Variants in VWC2L observed in about 807,000 individuals in gnomAD.
VWC2L encodes von Willebrand factor C domain containing 2 like.
A neutral mutation model predicts 21.6 loss-of-function variants in VWC2L; 10 were observed. The observed-to-expected ratio is 0.46, with a 90% CI of 0.29 to 0.78. The LOEUF is 0.78. Ranked by LOEUF, VWC2L falls within the 30% of genes least tolerant of loss-of-function variation. VWC2L has a pLI of 0.10. For missense variants in VWC2L, 209 were observed against 277.1 expected, an observed-to-expected ratio of 0.75 and a Z score of 1.74; for synonymous variants, 96 against 94.3, an observed-to-expected ratio of 1.02 and a Z score of -0.10.
At chr2:214,566,800 G>T (rs1321312748) in intron 3 of VWC2L, among the ~76,000 whole-genome samples, 1 of 152,116 alleles carries the variant, frequency 6.6e-6, no homozygotes, top group South Asian at 2.1e-4. Context: ...TCTAATGACT[G>T]GTTTTTAGAA....
At chr2:214,461,650 C>T (rs1163347916) in intron 3 of VWC2L, among the ~76,000 whole-genome samples, 16 of 152,176 alleles carry the variant, frequency 1.1e-4, no homozygotes, top group Admixed American at 8.5e-4. Flanking sequence ...GCAGTATGCT[C>T]AGGCACTGGA....
At chr2:214,465,102 A>G (rs188372935) in intron 3 of VWC2L, among the ~76,000 whole-genome samples, 1 of 151,890 alleles carries the variant, frequency 6.6e-6, no homozygotes, top group East Asian at 1.9e-4. Context: ...GGAATCAGGG[A>G]CCCCAGGAAC....
At chr2:214,532,300 A>C (rs1293282771) in intron 3 of VWC2L, among the ~76,000 whole-genome samples, 1 of 152,136 alleles carries the variant, frequency 6.6e-6, no homozygotes, top group African/African-American at 2.4e-5. Flanking sequence ...TCCAGATGTA[A>C]AAGCTGGTGA....
chr2:214,516,491 C>T (rs964068063), intron 3 of VWC2L, among the ~76,000 whole-genome samples: 1 of 152,098 alleles, frequency 6.6e-6, no homozygotes, highest in Non-Finnish European at 1.5e-5. Context: ...AGTTTTGTCA[C>T]AATTTATAGA....
At chr2:214,545,238 A>C (rs1689687044) in intron 3 of VWC2L, among the ~76,000 whole-genome samples, 1 of 152,198 alleles carries the variant, frequency 6.6e-6, no homozygotes, top group Admixed American at 6.5e-5. Context: ...AAAAATCTAC[A>C]AGGTACTTTA....
chr2:214,413,837 T>G (rs974459746), intron 1 of VWC2L, among the ~76,000 whole-genome samples: 7 of 152,168 alleles, frequency 4.6e-5, no homozygotes, highest in African/African-American at 1.4e-4. Flanking sequence ...ACCATTTCTT[T>G]GCAATTTAGA....
intron 3 of VWC2L, among the ~76,000 whole-genome samples, chr2:214,466,656 A>G (rs773087262): frequency 6.6e-6 from 1 of 152,312 alleles, no homozygotes; most frequent in South Asian, 2.1e-4. Context: ...TCCATTTTCT[A>G]TAGCTTCTAC....
Position 214,414,361 on chromosome 2 carries a change from C to T in VWC2L, c.168C>T (p.Asp56=). 2 of 1,613,702 alleles carry T rather than the reference C, an allele frequency of 1.2e-6. No individual in the cohort carries two copies. Among genetic ancestry groups the T allele is most frequent in the East Asian group, 2.2e-5 (1 of 44,860 alleles). ...ATCGAGGGAAAGGGTGTGTCGATGA[C>T]AGCGGCTTTGTATACAAGTTGGGAG... The part of the protein sequence containing the change: ...DDYRGKGCVD[D]SGFVYKLGER... Residue 56 remains aspartate, a synonymous_variant, in exon 2 of 4, where the codon GAC becomes GAT. Coordinates refer to ENST00000312504, the MANE Select transcript of VWC2L (RefSeq NM_001080500.4).
chr2:214,556,189 C>A (rs754044989), intron 3 of VWC2L, among the ~76,000 whole-genome samples: 2 of 152,098 alleles, frequency 1.3e-5, no homozygotes, highest in Non-Finnish European at 2.9e-5. Context: ...GAACTTGGGA[C>A]ACGGAGGTTG....
chr2:214,575,946 C>A lies in VWC2L; in HGVS notation c.*126C>A. On this transcript the variant is annotated 3_prime_UTR_variant, in exon 4 of 4. Coordinates refer to ENST00000312504, the MANE Select transcript of VWC2L (RefSeq NM_001080500.4). ...ACAACAGGGTCACCAGCAAAACTTT[C>A]TAGGGTTGACAAAAGTGAATATTTT... The A allele has an allele frequency of 9.1e-7, 1 of 1,094,806 alleles. No homozygotes were observed. The highest frequency in any genetic ancestry group is 1.3e-6 in the Non-Finnish European group (1 of 775,960). The allele number at this position is 1,094,806 out of a possible 1,614,324, so 67.8% of individuals were successfully genotyped here.
intron 3 of VWC2L, among the ~76,000 whole-genome samples, chr2:214,491,086 T>G (rs1483391190): frequency 2.6e-5 from 4 of 152,190 alleles, no homozygotes; most frequent in Non-Finnish European, 4.4e-5. Context: ...TTAAGGGTTC[T>G]GCAAGCAGAT....
At chr2:214,516,487 G>A (rs1347851357) in intron 3 of VWC2L, among the ~76,000 whole-genome samples, 1 of 152,102 alleles carries the variant, frequency 6.6e-6, no homozygotes, top group Admixed American at 6.5e-5. Context: ...AGGCAGTTTT[G>A]TCACAATTTA....
chr2:214,422,895 T>G (rs1188391497), intron 2 of VWC2L, among the ~76,000 whole-genome samples: 1 of 152,214 alleles, frequency 6.6e-6, no homozygotes, highest in Admixed American at 6.5e-5. Flanking sequence ...CACTGAACAC[T>G]ACTCTTAATT....
intron 3 of VWC2L, among the ~76,000 whole-genome samples, chr2:214,498,248 C>T (rs375644289): frequency 1.9e-4 from 29 of 152,292 alleles, no homozygotes; most frequent in African/African-American, 6.0e-4. Context: ...TGGGCAGCAG[C>T]TTCCTAACCA....
At chr2:214,422,180 G>C (rs6740278) in intron 2 of VWC2L, among the ~76,000 whole-genome samples, 7,684 of 152,000 alleles carry the variant, frequency 0.051, 596 homozygotes, top group African/African-American at 0.17. Flanking sequence ...GAGCCACCGC[G>C]CCCGGCCTAT....
At chr2:214,524,932 C>CT (rs5838441) in intron 3 of VWC2L, among the ~76,000 whole-genome samples, 52,833 of 144,758 alleles carry the variant, frequency 0.36, 10,667 homozygotes, top group South Asian at 0.51. Context: ...CTTTGGCTGG[C>CT]TTTTTTTTTT....
At chr2:214,433,313 A>T (rs1470195204) in intron 2 of VWC2L, among the ~76,000 whole-genome samples, 1 of 151,768 alleles carries the variant, frequency 6.6e-6, no homozygotes, top group Non-Finnish European at 1.5e-5. Flanking sequence ...GTGTTCTGTG[A>T]GGGTTCTTAG....
rs921050825 is a variant in VWC2L, at chr2:214,541,362, T to C, written c.521-34310T>C. Among the ~76,000 whole-genome samples the C allele has an allele frequency of 3.3e-5, 5 of 152,192 alleles. No homozygotes were observed. The South Asian group carries it at 1.0e-3, about 32-fold the overall frequency. On this transcript the variant is annotated intron_variant, in intron 3 of 3. Transcript: ENST00000312504. ...ACATCAGGCTGAAACACTAGACATATGTCCTTTTCTGCTAATCTGTGGACT... is the reference window on the plus strand; with the variant it reads ...ACATCAGGCTGAAACACTAGACATACGTCCTTTTCTGCTAATCTGTGGACT...
chr2:214,508,135 C>T (rs964860398), intron 3 of VWC2L, among the ~76,000 whole-genome samples: 1 of 152,062 alleles, frequency 6.6e-6, no homozygotes, highest in Non-Finnish European at 1.5e-5. Flanking sequence ...CACCACCGTG[C>T]CCGGCTAATT....
Sources: allele counts gnomAD v4.1 joint callset (sites outside exome capture counted in the v4.1 genomes callset), GRCh38; gene constraint gnomAD v4.1.1; transcripts MANE v1.5; gene names NCBI Gene and HGNC (gene_info 2026-07-23, HGNC 2026-07-21).